Variants in CPNE4 observed in about 807,000 individuals in gnomAD.
CPNE4 encodes the protein copine-4.
Under a neutral mutation model 67.9 loss-of-function variants are expected in CPNE4, and 25 were observed. The ratio of observed to expected loss-of-function variants is 0.37; its 90% CI spans 0.27 to 0.51. The LOEUF (loss-of-function observed/expected upper bound fraction) is 0.51, where lower values mean the gene tolerates loss of function less well. Among genes scored for constraint, CPNE4 ranks in the 20% least tolerant of loss-of-function variants. The probability of loss-of-function intolerance (pLI) is 0.93; values close to 1 mark genes in which losing one functional copy is unlikely to be tolerated. For synonymous variants in CPNE4, 242 were observed against 244.9 expected (o/e 0.99, Z 0.11); for missense variants, 464 against 690.8 (o/e 0.67, Z 3.68).
intron 10 of CPNE4, among the ~76,000 whole-genome samples, chr3:131,572,690 C>T (rs532473615): frequency 6.6e-6 from 1 of 151,948 alleles, no homozygotes; most frequent in African/African-American, 2.4e-5. Context: ...TCCAGGGAGA[C>T]AAAAAGTTTG....
intron 1 of CPNE4, among the ~76,000 whole-genome samples, chr3:131,917,840 C>T (rs918421516): frequency 5.3e-5 from 8 of 152,088 alleles, no homozygotes; most frequent in Admixed American, 2.0e-4. Context: ...CTGGCAGATG[C>T]CTTGTGTATG....
chr3:131,812,069 C>T (rs980957180), intron 2 of CPNE4, among the ~76,000 whole-genome samples: 9 of 152,142 alleles, frequency 5.9e-5, no homozygotes, highest in African/African-American at 2.2e-4. Flanking sequence ...GTGCTGCCTG[C>T]CTGTCTTCAG....
At chr3:131,941,537 G>A (rs1052640349) in intron 1 of CPNE4, among the ~76,000 whole-genome samples, 1 of 151,782 alleles carries the variant, frequency 6.6e-6, no homozygotes, top group African/African-American at 2.4e-5. Flanking sequence ...AGCTACTGAT[G>A]AGAAAACCAA....
chr3:131,876,668 A>G (rs1440182008), intron 2 of CPNE4, among the ~76,000 whole-genome samples: 1 of 151,356 alleles, frequency 6.6e-6, no homozygotes, highest in Non-Finnish European at 1.5e-5. Flanking sequence ...AAAGAAAGAA[A>G]GAGACATTCT....
At chr3:131,901,815 G>A (rs1340685824) in intron 2 of CPNE4, among the ~76,000 whole-genome samples, 4 of 151,974 alleles carry the variant, frequency 2.6e-5, no homozygotes, top group Admixed American at 6.6e-5. Context: ...GGGGAAAGGA[G>A]AGAACCCTTA....
chr3:131,774,653 C>T (rs977251494), intron 2 of CPNE4, among the ~76,000 whole-genome samples: 5 of 152,086 alleles, frequency 3.3e-5, no homozygotes, highest in Non-Finnish European at 5.9e-5. Context: ...TATGATGTCC[C>T]TTGCAGTCCT....
intron 1 of CPNE4, among the ~76,000 whole-genome samples, chr3:132,018,790 A>G (rs752288307): frequency 2.6e-5 from 4 of 152,262 alleles, no homozygotes; most frequent in Non-Finnish European, 4.4e-5. Context: ...TGGCTTTAAT[A>G]TACCACATCA....
At chr3:131,936,335 G>A (rs1250496207) in intron 1 of CPNE4, among the ~76,000 whole-genome samples, 1 of 152,020 alleles carries the variant, frequency 6.6e-6, no homozygotes, top group Non-Finnish European at 1.5e-5. Flanking sequence ...TTTACCTGAA[G>A]TGCAGAAGAC....
At chr3:132,008,491 A>C (rs539276593) in intron 1 of CPNE4, among the ~76,000 whole-genome samples, 39 of 152,344 alleles carry the variant, frequency 2.6e-4, no homozygotes, top group Admixed American at 1.8e-3. Context: ...TAAGCAACTC[A>C]TCCATGCTTT....
intron 1 of CPNE4, among the ~76,000 whole-genome samples, chr3:131,999,130 A>G (rs7613456): frequency 0.97 from 146,538 of 151,598 alleles, 71,003 homozygotes; most frequent in African/African-American, 0.99. Context: ...AAAAGAAAGA[A>G]CTAGTGCAGA....
chr3:131,774,636 A>C (rs1560284353), intron 2 of CPNE4, among the ~76,000 whole-genome samples: 1 of 152,276 alleles, frequency 6.6e-6, no homozygotes, highest in East Asian at 1.9e-4. Flanking sequence ...TTACCAAGAC[A>C]ATGCAATATG....
chr3:131,806,813 A>C (rs1378245004), intron 2 of CPNE4, among the ~76,000 whole-genome samples: 1 of 152,186 alleles, frequency 6.6e-6, no homozygotes, highest in Admixed American at 6.5e-5. Flanking sequence ...TGAAAGGAAG[A>C]ATGAATGTCA....
rs534457367 is a variant in CPNE4 at position 131,627,288 on chromosome 3, G to A, written c.682-39706C>T. 7.2e-5 allele frequency among the ~76,000 whole-genome samples: 11 copies of A among 152,200 alleles called. No individual in the cohort carries two copies. The South Asian group carries it at 1.7e-3, about 23-fold the overall frequency. On this transcript the variant is annotated intron_variant, in intron 7 of 15. Transcript: ENST00000429747. ...TAAATGGAAGAATAAAGCCTGAATG[G>A]CATCACAATCATATCTGTTTATAGC...
At chr3:131,570,798 G>C (rs1937299854) in intron 10 of CPNE4, among the ~76,000 whole-genome samples, 3 of 152,040 alleles carry the variant, frequency 2.0e-5, no homozygotes, top group Admixed American at 1.3e-4. Context: ...AAATTCTCAA[G>C]TGTTCAGGTG....
At chr3:132,010,655 G>A (rs2073736439) in intron 1 of CPNE4, among the ~76,000 whole-genome samples, 1 of 152,162 alleles carries the variant, frequency 6.6e-6, no homozygotes, top group Non-Finnish European at 1.5e-5. Context: ...GTCGATACAT[G>A]ATACTTAGGC....
chr3:131,828,019 A>C (rs2085230539), intron 2 of CPNE4, among the ~76,000 whole-genome samples: 1 of 152,026 alleles, frequency 6.6e-6, no homozygotes, highest in African/African-American at 2.4e-5. Flanking sequence ...GAAACAGAAG[A>C]AACAATTTAA....
chr3:131,566,388 T>C (rs1270326818), intron 10 of CPNE4, among the ~76,000 whole-genome samples: 1 of 151,636 alleles, frequency 6.6e-6, no homozygotes. Flanking sequence ...GTCCAGTGTC[T>C]TCTGGGACAG....
chr3:131,839,756 T>A (rs899412799), intron 2 of CPNE4, among the ~76,000 whole-genome samples: 1 of 152,100 alleles, frequency 6.6e-6, no homozygotes, highest in South Asian at 2.1e-4. Context: ...AAAAAAAGAC[T>A]ATTGGCTTGA....
At chr3:131,851,564 A>G (rs1302862075) in intron 2 of CPNE4, among the ~76,000 whole-genome samples, 1 of 152,084 alleles carries the variant, frequency 6.6e-6, no homozygotes, top group African/African-American at 2.4e-5. Context: ...GACCGGTGTA[A>G]CAAATTTTAT....
Sources: gnomAD v4.1 joint callset for allele counts (sites outside exome capture counted in the v4.1 genomes callset) on GRCh38, gnomAD v4.1.1 for gene constraint, MANE v1.5 for transcripts, NCBI Gene and HGNC (gene_info 2026-07-23, HGNC 2026-07-21) for gene names.